The following NGFR variants were observed in gnomAD, a reference collection of about 807,000 sequenced individuals.
NGFR encodes nerve growth factor receptor, also known as tumor necrosis factor receptor superfamily member 16.
A neutral mutation model predicts 43.2 loss-of-function variants in NGFR; 30 were observed. That is an observed-to-expected ratio of 0.69 (90% CI 0.52 to 0.94). NGFR has a LOEUF of 0.94. Among genes scored for constraint, NGFR ranks in the 40% least tolerant of loss-of-function variants. The pLI, the probability that NGFR is intolerant of heterozygous loss-of-function variation, is 0.00. For synonymous variants in NGFR, 246 were observed against 259.6 expected (o/e 0.95, Z 0.50); for missense variants, 529 against 602.5 (o/e 0.88, Z 1.28).
In NGFR at chr17:49,506,381, G is replaced by C; in HGVS notation, c.291G>C (p.Ala97=). The change falls in exon 3 of 6, where the codon GCG becomes GCC. Residue 97 remains alanine, a synonymous_variant. Transcript: ENST00000172229. The part of the protein sequence containing the change: ...TECVGLQSMS[A]PCVEADDAVC... ...GCGTGGGGCTCCAGAGCATGTCGGCGCCGTGCGTGGAGGCCGACGACGCCG... is the reference window on the plus strand; with the variant it reads ...GCGTGGGGCTCCAGAGCATGTCGGCCCCGTGCGTGGAGGCCGACGACGCCG... 6.2e-7 allele frequency: 1 copy of C among 1,601,164 alleles called. No individual in the cohort carries two copies. The highest frequency in any genetic ancestry group is 2.2e-5 in the East Asian group (1 of 44,668).
In NGFR at chr17:49,510,521, C is replaced by A. The variant is rs1225948210; in HGVS notation, c.678C>A (p.Ser226Arg). ...CTCCAGAACAAGACCTCATAGCCAG[C>A]ACGGTGGCAGGTGTGGTGACCACAG... The part of the protein sequence containing the change: ...EAPPEQDLIA[S>R]TVAGVVTTVM... The change falls in exon 4 of 6, where the codon AGC (serine) becomes AGA (arginine). Residue 226 changes from serine (S) to arginine (R), a missense_variant. Ser to Arg is a moderately radical substitution (Grantham distance 110, BLOSUM62 -1). Coordinates refer to ENST00000172229, the MANE Select transcript of NGFR (RefSeq NM_002507.4). 2 of 1,614,132 alleles carry A rather than the reference C, an allele frequency of 1.2e-6. No homozygotes were observed. Among genetic ancestry groups the A allele is most frequent in the Non-Finnish European group, 1.7e-6 (2 of 1,180,020 alleles).
In NGFR at chr17:49,495,801, G is replaced by T. The variant is rs76103365; in HGVS notation, c.66+318G>T. ...GGCTCTCCGATGCCCAGGTTCTTCG[G>T]AAGAGGACACTCGAATGCCGGGATC... On this transcript the variant is annotated intron_variant, in intron 1 of 5. Coordinates refer to ENST00000172229, the MANE Select transcript of NGFR (RefSeq NM_002507.4). The surrounding 1 kb of genome is among the most constrained non-coding windows in gnomAD (Gnocchi z 6.4). 2,634 of 332,554 alleles carry T rather than the reference G, an allele frequency of 7.9e-3. 75 individuals carry two copies. Among genetic ancestry groups the T allele is most frequent in the African/African-American group, 0.051 (2,400 of 47,228 alleles). 20.6% of individuals were successfully genotyped at this position (332,554 alleles called of 1,614,324 possible).
chr17:49,504,769 C>CTTTCTTTTTTTTTTTTT (rs2071186581), intron 2 of NGFR, among the ~76,000 whole-genome samples: 1 of 110,930 alleles, frequency 9.0e-6, no homozygotes, highest in Non-Finnish European at 1.9e-5. Context: ...TTCTTTCTTT[C>CTTTCTTTTTTTTTTTTT]TTTTTTTTTT....
chr17:49,513,101 G>T lies in NGFR; in HGVS notation c.*92G>T. 1 of 1,346,124 alleles carries T rather than the reference G, an allele frequency of 7.4e-7. No individual in the cohort carries two copies. Among genetic ancestry groups the T allele is most frequent in the African/African-American group, 1.5e-5 (1 of 68,200 alleles). The allele number at this position is 1,346,124 out of a possible 1,614,324, so 83.4% of individuals were successfully genotyped here. A position where few individuals can be genotyped will look rare whatever the true frequency, so the allele number is the denominator to read the frequency against. The stretch of plus-strand genomic sequence containing the variant: ...AGCCCGCACCCCCACCCTTTGGGGG[G>T]GGCCCGCCTGGCAGAACTGAGCTCC... On this transcript the variant is annotated 3_prime_UTR_variant, in exon 6 of 6. Transcript: ENST00000172229.
chr17:49,499,919 A>G (rs78713641), intron 1 of NGFR, among the ~76,000 whole-genome samples: 1,743 of 152,296 alleles, frequency 0.011, 38 homozygotes, highest in African/African-American at 0.04. Context: ...CGAGTTCCAC[A>G]GTTTCTGAAG....
rs2071235129 is a variant in NGFR at position 49,511,886 on chromosome 17, C to G, written c.822-6C>G. 6.3e-7 allele frequency: 1 copy of G among 1,599,902 alleles called. No homozygotes were observed. The highest frequency in any genetic ancestry group is 1.3e-5 in the African/African-American group (1 of 74,620). Reference sequence around the variant, plus strand: ...CCCTGAAACCTGGCCTGTCCTCTGGCTCCAGGTGGAACAGCTGCAAGCAGA... The same window carrying G: ...CCCTGAAACCTGGCCTGTCCTCTGGGTCCAGGTGGAACAGCTGCAAGCAGA... On this transcript the variant is annotated splice_polypyrimidine_tract_variant and splice_region_variant and intron_variant, in intron 4 of 5. Transcript: ENST00000172229.
intron 2 of NGFR, among the ~76,000 whole-genome samples, chr17:49,503,218 C>A (rs1412566387): frequency 2.0e-5 from 3 of 151,668 alleles, no homozygotes; most frequent in Non-Finnish European, 4.4e-5. Flanking sequence ...CCGTGCTCGA[C>A]CCTGCCTGGG....
At chr17:49,501,489 C>G (rs1236925654) in intron 1 of NGFR, among the ~76,000 whole-genome samples, 1 of 152,202 alleles carries the variant, frequency 6.6e-6, no homozygotes, top group Non-Finnish European at 1.5e-5. Context: ...GACCCTGGCC[C>G]TCTCCTTTCT....
intron 2 of NGFR, among the ~76,000 whole-genome samples, chr17:49,502,410 G>A (rs1424339882): frequency 6.6e-6 from 1 of 152,228 alleles, no homozygotes; most frequent in Non-Finnish European, 1.5e-5. Flanking sequence ...GTGTGCAGAG[G>A]GAGGAGGGGA....
At position 49,497,141 on chromosome 17, in the gene NGFR, G is replaced by A. The variant is rs531714845; in HGVS notation, c.66+1658G>A. 2.0e-5 allele frequency: 3 copies of A among 152,328 alleles called. No individual in the cohort carries two copies. The South Asian group carries it at 6.2e-4, about 32-fold the overall frequency. The allele number at this position is 152,328 out of a possible 1,614,324, so 9.4% of individuals were successfully genotyped here. On this transcript the variant is annotated intron_variant, in intron 1 of 5. Coordinates refer to ENST00000172229, the MANE Select transcript of NGFR (RefSeq NM_002507.4). ...AGGGGGCAGCCGCTGTCCCAGCTCG[G>A]GGTCACGGCTGCGTTTCCCAGCAGG...
Position 49,502,075 on chromosome 17 carries a change from G to A in NGFR, c.79G>A (p.Gly27Ser), listed in dbSNP as rs200681360. Residue 27 changes from glycine (G) to serine (S), a missense_variant, in exon 2 of 6, where the codon GGT becomes AGT. By Grantham distance (56) the Gly-to-Ser change is moderately conservative. Transcript: ENST00000172229. ...LLLLLGVSLG[G>S]AKEACPTGLY... Reference sequence around the variant, plus strand: ...TCCCTCCATCCAGGTGTCCCTTGGAGGTGCCAAGGAGGCATGCCCCACAGG... The same window carrying A: ...TCCCTCCATCCAGGTGTCCCTTGGAAGTGCCAAGGAGGCATGCCCCACAGG... 2 of 1,579,586 alleles carry A rather than the reference G, an allele frequency of 1.3e-6. No homozygotes were observed. The highest frequency in any genetic ancestry group is 2.7e-5 in the African/African-American group (2 of 74,028).
Sources: allele counts gnomAD v4.1 joint callset (sites outside exome capture counted in the v4.1 genomes callset), GRCh38; gene constraint gnomAD v4.1.1; non-coding constraint Gnocchi (gnomAD v3.1); transcripts MANE v1.5; gene names NCBI Gene and HGNC (gene_info 2026-07-23, HGNC 2026-07-21).